The following CHODL variants were observed in gnomAD, a reference collection of about 807,000 sequenced individuals.
The protein encoded by CHODL is transmembrane protein MT75.
CHODL carries 29 observed loss-of-function variants against 34.5 expected under a neutral mutation model. The observed-to-expected ratio is 0.84, with a 90% confidence interval of 0.63 to 1.15. The LOEUF is 1.15. CHODL is among the 50% of genes most tolerant of loss of function. The pLI, the probability that CHODL is intolerant of heterozygous loss-of-function variation, is 0.00. For synonymous variants in CHODL, 125 were observed against 116.1 expected (o/e 1.08, Z -0.49); for missense variants, 332 against 332.5 (o/e 1.00, Z 0.01).
intron 2 of CHODL, among the ~76,000 whole-genome samples, chr21:18,106,065 A>G (rs1486561762): frequency 6.6e-6 from 1 of 152,204 alleles, no homozygotes; most frequent in African/African-American, 2.4e-5. Context: ...CCTGATAATC[A>G]TGATGATTGG....
At chr21:18,211,656 T>C (rs1223488565) in intron 2 of CHODL, among the ~76,000 whole-genome samples, 1 of 152,194 alleles carries the variant, frequency 6.6e-6, no homozygotes, top group Admixed American at 6.5e-5. Context: ...TTTACTTTTT[T>C]TCCCCCACTT....
rs138404991 is a variant in CHODL, at chr21:18,123,671, G to A, written c.-45+95700G>A. ...TAACTAACCTGCTCCGTAAATAATG[G>A]CATTAATTTATTTATAATGGAGGAG... On this transcript the variant is annotated intron_variant, in intron 2 of 6. Coordinates refer to the CHODL transcript ENST00000400127. Among the ~76,000 whole-genome samples, 448 of 152,130 alleles carry A rather than the reference G, an allele frequency of 2.9e-3. 5 individuals carry two copies. Among genetic ancestry groups the A allele is most frequent in the African/African-American group, 9.6e-3 (398 of 41,494 alleles).
At chr21:17,981,034 C>G (rs1305290882) in intron 1 of CHODL, among the ~76,000 whole-genome samples, 1 of 152,172 alleles carries the variant, frequency 6.6e-6, no homozygotes, top group African/African-American at 2.4e-5. Context: ...AAAGCTTACC[C>G]TGCACATTTT....
intron 1 of CHODL, among the ~76,000 whole-genome samples, chr21:18,007,712 C>G (rs1412158980): frequency 6.6e-6 from 1 of 152,114 alleles, no homozygotes; most frequent in African/African-American, 2.4e-5. Flanking sequence ...AACTATGTAA[C>G]AGAGGTTATA....
intron 2 of CHODL, among the ~76,000 whole-genome samples, chr21:18,191,969 A>G (rs2073515761): frequency 6.6e-6 from 1 of 152,210 alleles, no homozygotes; most frequent in South Asian, 2.1e-4. Context: ...TGTGAAAATC[A>G]TGTTGCAAAT....
intron 2 of CHODL, among the ~76,000 whole-genome samples, chr21:18,144,661 T>C (rs978241067): frequency 3.9e-5 from 6 of 152,138 alleles, no homozygotes; most frequent in Non-Finnish European, 7.4e-5. Context: ...TTGCATCAGG[T>C]TATATTGTTT....
chr21:18,185,942 C>A (rs1227176979), intron 2 of CHODL, among the ~76,000 whole-genome samples: 1 of 152,116 alleles, frequency 6.6e-6, no homozygotes, highest in African/African-American at 2.4e-5. Flanking sequence ...AAAGGTCCCA[C>A]CTTCTAATAC....
At chr21:18,132,835 C>A (rs1039346633) in intron 2 of CHODL, among the ~76,000 whole-genome samples, 1 of 152,080 alleles carries the variant, frequency 6.6e-6, no homozygotes, top group Non-Finnish European at 1.5e-5. Context: ...CCTCCCACCT[C>A]CATCCCGTCC....
chr21:18,175,695 A>G (rs2073299913), intron 2 of CHODL, among the ~76,000 whole-genome samples: 1 of 152,130 alleles, frequency 6.6e-6, no homozygotes, highest in African/African-American at 2.4e-5. Flanking sequence ...ACAGCTTGTA[A>G]CAAATTATAT....
intron 2 of CHODL, among the ~76,000 whole-genome samples, chr21:18,147,030 T>C (rs2072898958): frequency 1.3e-5 from 2 of 152,218 alleles, no homozygotes; most frequent in African/African-American, 4.8e-5. Flanking sequence ...TTATGTACTC[T>C]GCTTGGCAAA....
chr21:18,146,054 T>C (rs960091920), intron 2 of CHODL, among the ~76,000 whole-genome samples: 1 of 152,024 alleles, frequency 6.6e-6, no homozygotes, highest in African/African-American at 2.4e-5. Flanking sequence ...TTGCAACCTC[T>C]GCCTCCCAGG....
intron 1 of CHODL, among the ~76,000 whole-genome samples, chr21:18,247,810 A>T: frequency 6.6e-6 from 1 of 152,034 alleles, no homozygotes; most frequent in East Asian, 1.9e-4. Context: ...GAGAATATCT[A>T]TGGGAGCTGC....
chr21:18,143,646 T>C (rs2072830128), intron 2 of CHODL, among the ~76,000 whole-genome samples: 1 of 152,122 alleles, frequency 6.6e-6, no homozygotes, highest in Admixed American at 6.6e-5. Context: ...TAATAGCTCC[T>C]AGTCCCTAGT....
intron 2 of CHODL, among the ~76,000 whole-genome samples, chr21:18,167,912 G>A (rs1318909913): frequency 1.3e-5 from 2 of 152,166 alleles, no homozygotes; most frequent in African/African-American, 2.4e-5. Context: ...GACTGGGAGA[G>A]GCAGACTCAC....
chr21:18,006,319 G>T (rs968888682), intron 1 of CHODL, among the ~76,000 whole-genome samples: 1 of 150,688 alleles, frequency 6.6e-6, no homozygotes, highest in Non-Finnish European at 1.5e-5. Context: ...ACGTACCTAT[G>T]TAAGAAACCT....
At chr21:18,000,994 G>C (rs1210151715) in intron 1 of CHODL, among the ~76,000 whole-genome samples, 1 of 151,924 alleles carries the variant, frequency 6.6e-6, no homozygotes, top group Non-Finnish European at 1.5e-5. Flanking sequence ...TTTTTAAGGA[G>C]AAAAAAATGG....
At chr21:18,177,439 TGTATGTA>T (rs1338339105) in intron 2 of CHODL, among the ~76,000 whole-genome samples, 2 of 152,160 alleles carry the variant, frequency 1.3e-5, no homozygotes, top group African/African-American at 4.8e-5. Context: ...TATTTTTCTG[TGTATGTA>T]GCTTCAGCAT....
At chr21:17,973,804 A>G (rs2063638695) in intron 1 of CHODL, among the ~76,000 whole-genome samples, 2 of 146,480 alleles carry the variant, frequency 1.4e-5, no homozygotes, top group Admixed American at 1.4e-4. Context: ...TCTTTCAGGA[A>G]AAAAAAAAAA....
chr21:18,222,063 A>T (rs1012248301), intron 2 of CHODL, among the ~76,000 whole-genome samples: 1 of 152,062 alleles, frequency 6.6e-6, no homozygotes, highest in African/African-American at 2.4e-5. Context: ...GCTCCTCAAG[A>T]CCCCAAGTGG....
Sources: gnomAD v4.1 joint callset for allele counts (sites outside exome capture counted in the v4.1 genomes callset) on GRCh38, gnomAD v4.1.1 for gene constraint, MANE v1.5 for transcripts, NCBI Gene and HGNC (gene_info 2026-07-23, HGNC 2026-07-21) for gene names.